U2SURP: variants seen among roughly 807,000 people sequenced by gnomAD.
U2SURP encodes U2 snRNP associated SURP domain containing.
In U2SURP, 9 loss-of-function variants were observed where a neutral mutation model predicts 144.9. That is an observed-to-expected ratio of 0.06 (90% confidence interval 0.04 to 0.11). The LOEUF is 0.11. Among genes scored for constraint, U2SURP ranks in the 10% least tolerant of loss-of-function variants. The pLI, the probability that U2SURP is intolerant of heterozygous loss-of-function variation, is 1.00. For missense variants in U2SURP, 724 were observed against 1,226.7 expected, an observed-to-expected ratio of 0.59 and a Z score of 6.12; for synonymous variants, 408 against 396.8, an observed-to-expected ratio of 1.03 and a Z score of -0.33.
chr3:143,010,885 T>C, intron 2 of U2SURP, 26 bp downstream of exon 2: 1 of 1,582,234 alleles, frequency 6.3e-7, no homozygotes, highest in Non-Finnish European at 8.6e-7. Context: ...AATCTTTGTC[T>C]TTTTTCCTTT....
chr3:143,047,857 G>C (rs1160047998), intron 24 of U2SURP, among the ~76,000 whole-genome samples: 10 of 92,686 alleles, frequency 1.1e-4, no homozygotes, highest in Non-Finnish European at 2.0e-4. Context: ...CTCCCGGACG[G>C]GGCGGCTGGC....
At chr3:143,001,808 G>T (rs1400450640) in intron 1 of U2SURP, 135 bp downstream of exon 1, 7 of 1,137,084 alleles carry the variant, frequency 6.2e-6, no homozygotes, top group Admixed American at 2.2e-5. Context: ...GGGCGCCGCC[G>T]CACCGTTGTG....
At chr3:143,050,112 T>G (rs1304944257) in intron 24 of U2SURP, among the ~76,000 whole-genome samples, 2 of 152,134 alleles carry the variant, frequency 1.3e-5, no homozygotes, top group African/African-American at 4.8e-5. Flanking sequence ...TGCTGTTGTT[T>G]CCCAGGCATG....
intron 6 of U2SURP, among the ~76,000 whole-genome samples, chr3:143,018,881 C>T (rs1367765355): frequency 6.6e-6 from 1 of 152,108 alleles, no homozygotes; most frequent in Non-Finnish European, 1.5e-5. Flanking sequence ...GCCAAGATCA[C>T]AGCATTGCAC....
chr3:143,014,488 TTCCCGAAGATTC>T (rs1936264142), intron 4 of U2SURP, 79 bp downstream of exon 4: 1 of 919,476 alleles, frequency 1.1e-6, no homozygotes, highest in Non-Finnish European at 1.6e-6. Flanking sequence ...AGAGGAATGT[TTCCCGAAGATTC>T]TTAACCTCTA....
At chr3:143,046,893 G>A (rs1287037490) in intron 24 of U2SURP, among the ~76,000 whole-genome samples, 5 of 127,924 alleles carry the variant, frequency 3.9e-5, no homozygotes, top group Non-Finnish European at 8.1e-5. Flanking sequence ...CAGTAGGGGC[G>A]GCCGGGCAGA....
chr3:143,046,266 CTT>C (rs1256140654), intron 24 of U2SURP, among the ~76,000 whole-genome samples: 24 of 67,204 alleles, frequency 3.6e-4, no homozygotes, highest in African/African-American at 1.1e-3. Context: ...GAAGCCAGTT[CTT>C]TTTTTTTTTT....
intron 5 of U2SURP, 96 bp from the exon 6 acceptor site, chr3:143,016,746 C>G: frequency 9.0e-7 from 1 of 1,106,736 alleles, no homozygotes; most frequent in Middle Eastern, 3.1e-4. Context: ...CATCTTAATA[C>G]TAAAAGCATT....
At position 143,055,084 on chromosome 3, in the gene U2SURP, A is replaced by G; in HGVS notation, c.2916A>G (p.Lys972=). 6.2e-7 allele frequency: 1 copy of G among 1,605,368 alleles called. No homozygotes were observed. ...GCTCACGGTCCAGGTCATCTCACAA[A>G]GATTCTCCTAGAGATGTTAGCAAAA... is the stretch of plus-strand genomic sequence containing the variant. ...KESSRSRSSH[K]DSPRDVSKKA... The change falls in exon 27 of 28, where the codon AAA becomes AAG. Residue 972 remains lysine, a synonymous_variant. Transcript: ENST00000473835.
chr3:143,022,469 A>C, intron 10 of U2SURP, 28 bp from the exon 11 acceptor site: 2 of 1,439,124 alleles, frequency 1.4e-6, no homozygotes, highest in Non-Finnish European at 1.8e-6. Flanking sequence ...TTTTTTGCAT[A>C]ATAAAAATCT....
rs1935188678 is a variant in U2SURP at position 143,057,155 on chromosome 3, A to G, written c.*705A>G. 1 of 152,476 alleles carries G rather than the reference A, an allele frequency of 6.6e-6. No homozygotes were observed. Among genetic ancestry groups the G allele is most frequent in the Non-Finnish European group, 1.5e-5 (1 of 67,916 alleles). The allele number at this position is 152,476 out of a possible 1,614,324, so 9.4% of individuals were successfully genotyped here. A position where few individuals can be genotyped will look rare whatever the true frequency, so the allele number is the denominator to read the frequency against. ...CTAAAACATTTTTTTCACAGAAGCA[A>G]TATGATTTCCATACATCCAACCCAT... On this transcript the variant is annotated 3_prime_UTR_variant, in exon 28 of 28. Coordinates refer to ENST00000473835, the MANE Select transcript of U2SURP (RefSeq NM_001080415.2).
intron 25 of U2SURP, among the ~76,000 whole-genome samples, chr3:143,053,114 G>A (rs1161685812): frequency 6.6e-6 from 1 of 152,068 alleles, no homozygotes; most frequent in Non-Finnish European, 1.5e-5. Flanking sequence ...TTTGGTAAGA[G>A]CTCTTTTTGA....
chr3:143,016,213 C>T (rs752700974), intron 4 of U2SURP, 44 bp from the exon 5 acceptor site: 1 of 1,564,350 alleles, frequency 6.4e-7, no homozygotes, highest in Non-Finnish European at 8.8e-7. Context: ...TGTACATTAA[C>T]AATTTTTGTA....
intron 26 of U2SURP, among the ~76,000 whole-genome samples, chr3:143,054,385 C>T (rs891629333): frequency 3.3e-5 from 5 of 152,180 alleles, no homozygotes; most frequent in African/African-American, 1.2e-4. Flanking sequence ...AGCTTAGTCA[C>T]GCTACAGATA....
chr3:143,036,751 C>T (rs1424329868), intron 20 of U2SURP: 2 of 157,476 alleles, frequency 1.3e-5, no homozygotes, highest in Non-Finnish European at 2.8e-5. Flanking sequence ...TCAAACATAA[C>T]CTTAGCCTTC....
chr3:143,019,907 T>A, intron 6 of U2SURP, 62 bp from the exon 7 acceptor site: 1 of 894,358 alleles, frequency 1.1e-6, no homozygotes, highest in South Asian at 2.4e-5. Context: ...AGGCTCTTAT[T>A]ATTGAATCAT....
At chr3:143,034,772 T>TC (rs1284725082) in intron 18 of U2SURP, 116 bp from the exon 19 acceptor site, 2 of 646,724 alleles carry the variant, frequency 3.1e-6, no homozygotes, top group East Asian at 5.6e-5. Context: ...TGATTTTTAA[T>TC]AATTTCTTGA....
intron 1 of U2SURP, among the ~76,000 whole-genome samples, chr3:143,006,484 A>G (rs909990938): frequency 1.3e-4 from 20 of 152,170 alleles, no homozygotes; most frequent in Non-Finnish European, 2.1e-4. Context: ...GGCCGGGCAC[A>G]GTGCCTCCCG....
chr3:143,050,800 C>A, intron 24 of U2SURP, 139 bp from the exon 25 acceptor site: 1 of 557,272 alleles, frequency 1.8e-6, no homozygotes, highest in Non-Finnish European at 3.2e-6. Flanking sequence ...TTGGACTTGT[C>A]TGACAAGTGG....
Sources: gnomAD v4.1 joint callset for allele counts (sites outside exome capture counted in the v4.1 genomes callset) on GRCh38, gnomAD v4.1.1 for gene constraint, MANE v1.5 for transcripts, NCBI Gene and HGNC (gene_info 2026-07-23, HGNC 2026-07-21) for gene names.